STAT5B: variants seen among roughly 807,000 people sequenced by gnomAD.
STAT5B encodes the protein signal transducer and activator of transcription 5B.
Under a neutral mutation model 107.8 loss-of-function variants are expected in STAT5B, and 21 were observed. The ratio of observed to expected loss-of-function variants is 0.19; its 90% CI spans 0.14 to 0.28. The LOEUF (loss-of-function observed/expected upper bound fraction) is 0.28. STAT5B is among the 10% of genes least tolerant of loss of function. The probability of loss-of-function intolerance (pLI) is 1.00; values close to 1 mark genes in which losing one functional copy is unlikely to be tolerated. For missense variants in STAT5B, 565 were observed against 1,008.2 expected (o/e 0.56, Z 5.95); for synonymous variants, 325 against 401.7 (o/e 0.81, Z 2.28).
At chr17:42,203,025 C>T in intron 16 of STAT5B, 1 of 604,028 alleles carries the variant, frequency 1.7e-6, no homozygotes, top group Non-Finnish European at 3.0e-6. Context: ...TCACTGCAGC[C>T]TCCGCCTCCC....
the STAT5B span, among the ~76,000 whole-genome samples, chr17:42,286,953 C>G: frequency 6.6e-6 from 1 of 152,182 alleles, no homozygotes; most frequent in Non-Finnish European, 1.5e-5. Flanking sequence ...GACCCCCTAG[C>G]TCTGTGTCTG....
At chr17:42,206,802 C>T (rs1009294291) in intron 16 of STAT5B, among the ~76,000 whole-genome samples, 3 of 149,722 alleles carry the variant, frequency 2.0e-5, no homozygotes, top group East Asian at 2.0e-4. Context: ...CTTGAACTCC[C>T]GACCTCAGGT....
chr17:42,199,504 G>C lies in STAT5B; in HGVS notation c.*2234C>G, dbSNP rs2080027353. On this transcript the variant is annotated 3_prime_UTR_variant, in exon 19 of 19. Transcript: ENST00000293328. The stretch of plus-strand genomic sequence containing the variant: ...ACTTTTGAGGACTTGTGTGTGTCTG[G>C]GAGTGGGTGAGAGGCTGATGGGGTC... 6.6e-6 allele frequency: 1 copy of C among 152,302 alleles called. No individual in the cohort carries two copies. The highest frequency in any genetic ancestry group is 1.5e-5 in the Non-Finnish European group (1 of 68,048). The allele number at this position is 152,302 out of a possible 1,614,324, so 9.4% of individuals were successfully genotyped here.
At chr17:42,221,189 A>G (rs990218992) in intron 5 of STAT5B, among the ~76,000 whole-genome samples, 9 of 152,310 alleles carry the variant, frequency 5.9e-5, no homozygotes, top group Admixed American at 5.9e-4. Flanking sequence ...CACTGCAGGT[A>G]TCGAGCAGGA....
chr17:42,224,962 T>C, intron 3 of STAT5B, 94 bp from the exon 4 acceptor site: 1 of 1,236,630 alleles, frequency 8.1e-7, no homozygotes, highest in Non-Finnish European at 1.2e-6. Flanking sequence ...AGGGACCTCC[T>C]GAATCACAGG....
At chr17:42,286,717 G>A in the STAT5B span, among the ~76,000 whole-genome samples, 2 of 152,176 alleles carry the variant, frequency 1.3e-5, no homozygotes, top group Non-Finnish European at 2.9e-5. Context: ...GAAAACCTGA[G>A]GAATCTGCTC....
chr17:42,239,243 T>C (rs1184681397), intron 1 of STAT5B, among the ~76,000 whole-genome samples: 1 of 118,132 alleles, frequency 8.5e-6, no homozygotes, highest in Admixed American at 8.8e-5. Context: ...CAAGACTCTG[T>C]CTCAAAAAAA....
intron 1 of STAT5B, among the ~76,000 whole-genome samples, chr17:42,249,653 G>T (rs1364731092): frequency 5.9e-5 from 9 of 151,888 alleles, no homozygotes. Flanking sequence ...AAGGGGAAGA[G>T]GATAGAAAAT....
intron 15 of STAT5B, among the ~76,000 whole-genome samples, chr17:42,209,623 G>A (rs762656338): frequency 2.5e-4 from 38 of 152,282 alleles, no homozygotes; most frequent in Admixed American, 1.4e-3. Flanking sequence ...GAGGAGGACT[G>A]CTTGAGGCCA....
chr17:42,231,614 T>A (rs916931087), intron 2 of STAT5B, among the ~76,000 whole-genome samples: 1 of 152,208 alleles, frequency 6.6e-6, no homozygotes, highest in South Asian at 2.1e-4. Flanking sequence ...AGTGTTGGGA[T>A]TACAACACAA....
chr17:42,221,477 G>A (rs1467955434), intron 5 of STAT5B, among the ~76,000 whole-genome samples: 1 of 152,200 alleles, frequency 6.6e-6, no homozygotes, highest in Non-Finnish European at 1.5e-5. Context: ...TGACAAATGG[G>A]ACTGAGAAGA....
At chr17:42,242,675 A>C (rs1249640457) in intron 1 of STAT5B, among the ~76,000 whole-genome samples, 1 of 148,566 alleles carries the variant, frequency 6.7e-6, no homozygotes, top group Non-Finnish European at 1.5e-5. Flanking sequence ...GTAATTCAAA[A>C]ACAAAAACAC....
chr17:42,224,060 C>T (rs1213236217), intron 4 of STAT5B, among the ~76,000 whole-genome samples: 2 of 152,092 alleles, frequency 1.3e-5, no homozygotes, highest in Non-Finnish European at 2.9e-5. Flanking sequence ...GAGGCCAAAC[C>T]TCTTGCAGGC....
chr17:42,263,213 A>G (rs2080633889), intron 1 of STAT5B, among the ~76,000 whole-genome samples: 1 of 150,402 alleles, frequency 6.6e-6, no homozygotes, highest in Non-Finnish European at 1.5e-5. Flanking sequence ...CTTCTGTGTA[A>G]AAATATACAG....
At chr17:42,210,348 G>A in intron 14 of STAT5B, 47 bp from the exon 15 acceptor site, 1 of 1,614,182 alleles carries the variant, frequency 6.2e-7, no homozygotes, top group Non-Finnish European at 8.5e-7. Context: ...GACTTACGAT[G>A]CCAGAGAGAA....
intron 5 of STAT5B, 49 bp downstream of exon 5, chr17:42,223,333 C>A: frequency 6.2e-7 from 1 of 1,613,456 alleles, no homozygotes; most frequent in South Asian, 1.1e-5. Flanking sequence ...GCTTTCCAGT[C>A]CCCAGGCCCA....
the STAT5B span, among the ~76,000 whole-genome samples, chr17:42,282,332 CT>C: frequency 1.1e-4 from 16 of 147,246 alleles, no homozygotes; most frequent in East Asian, 2.0e-4. Flanking sequence ...GTGACTGAGT[CT>C]TTTTTTTTTA....
chr17:42,211,924 CCT>C, intron 13 of STAT5B, 58 bp downstream of exon 13: 1 of 1,560,446 alleles, frequency 6.4e-7, no homozygotes, highest in East Asian at 2.4e-5. Flanking sequence ...CAGGGAGACT[CCT>C]GAGAGCATCT....
chr17:42,284,885 G>A, the STAT5B span, among the ~76,000 whole-genome samples: 1 of 152,174 alleles, frequency 6.6e-6, no homozygotes, highest in Admixed American at 6.5e-5. Flanking sequence ...ACTAATCAAA[G>A]GGTGTGATTC....
Sources: gnomAD v4.1 joint callset for allele counts (sites outside exome capture counted in the v4.1 genomes callset) on GRCh38, gnomAD v4.1.1 for gene constraint, MANE v1.5 for transcripts, NCBI Gene and HGNC (gene_info 2026-07-23, HGNC 2026-07-21) for gene names.